The following SV2C variants were observed in gnomAD, a reference collection of about 807,000 sequenced individuals.
SV2C encodes solute carrier family 22 member B3.
Under a neutral mutation model 79.7 loss-of-function variants are expected in SV2C, and 49 were observed. That is an observed-to-expected ratio of 0.61 (90% CI 0.49 to 0.78). SV2C has a LOEUF of 0.78. Ranked by LOEUF, SV2C falls within the 30% of genes least tolerant of loss-of-function variation. The probability of loss-of-function intolerance (pLI) is 0.00; values close to 1 mark genes in which losing one functional copy is unlikely to be tolerated. For synonymous variants in SV2C, 334 were observed against 333.2 expected (o/e 1.00, Z -0.03); for missense variants, 833 against 912.9 (o/e 0.91, Z 1.13).
chr5:76,032,304 T>G, the SV2C span, among the ~76,000 whole-genome samples: 1 of 152,136 alleles, frequency 6.6e-6, no homozygotes, highest in Non-Finnish European at 1.5e-5. Context: ...CAATGTGCAG[T>G]TAGTTACATG....
the SV2C span, among the ~76,000 whole-genome samples, chr5:75,941,906 G>A: frequency 6.6e-6 from 1 of 152,302 alleles, no homozygotes; most frequent in East Asian, 1.9e-4. Context: ...CTGGAGAAAG[G>A]AATGCTGCAC....
At chr5:75,997,080 C>T in the SV2C span, among the ~76,000 whole-genome samples, 8 of 150,510 alleles carry the variant, frequency 5.3e-5, no homozygotes, top group East Asian at 7.7e-4. Flanking sequence ...AAAGGGAATG[C>T]TTCCAGTTTT....
chr5:76,174,990 G>A (rs551422290), intron 2 of SV2C, among the ~76,000 whole-genome samples: 4 of 152,300 alleles, frequency 2.6e-5, no homozygotes, highest in African/African-American at 4.8e-5. Flanking sequence ...GAGCCTGGCG[G>A]TCTAACTGAC....
At chr5:76,141,823 C>CAAAAAAAAAAAAAAAAAAAAAAAAA (rs11313342) in intron 2 of SV2C, among the ~76,000 whole-genome samples, 1 of 72,476 alleles carries the variant, frequency 1.4e-5, no homozygotes, top group Non-Finnish European at 2.6e-5. Context: ...AAGTCCATCT[C>CAAAAAAAAAAAAAAAAAAAAAAAAA]AAAAAAAAAA....
the SV2C span, among the ~76,000 whole-genome samples, chr5:75,996,597 T>C: frequency 5.3e-5 from 8 of 152,232 alleles, no homozygotes; most frequent in African/African-American, 1.7e-4. Flanking sequence ...TTCACGATAT[T>C]GATTCTTCCT....
the SV2C span, among the ~76,000 whole-genome samples, chr5:76,018,687 T>C: frequency 1.3e-5 from 2 of 152,140 alleles, no homozygotes; most frequent in African/African-American, 4.8e-5. Flanking sequence ...ATTTTAATGA[T>C]GTAATTAAGT....
chr5:75,903,036 C>T, the SV2C span, among the ~76,000 whole-genome samples: 1 of 152,104 alleles, frequency 6.6e-6, no homozygotes, highest in Non-Finnish European at 1.5e-5. Context: ...TTTTATTTTT[C>T]AGTTAAGAAA....
the SV2C span, among the ~76,000 whole-genome samples, chr5:75,866,916 G>A: frequency 6.6e-6 from 1 of 152,158 alleles, no homozygotes; most frequent in Non-Finnish European, 1.5e-5. Context: ...TGTAGTGGAG[G>A]AAATGACAGG....
the SV2C span, among the ~76,000 whole-genome samples, chr5:75,900,415 G>C: frequency 1.1e-4 from 16 of 152,340 alleles, no homozygotes; most frequent in Middle Eastern, 3.4e-3. Context: ...GGCTTGTAGA[G>C]TTTCTGCTGA....
At chr5:76,152,800 G>A (rs760642616) in intron 2 of SV2C, among the ~76,000 whole-genome samples, 2 of 152,248 alleles carry the variant, frequency 1.3e-5, no homozygotes, top group Non-Finnish European at 2.9e-5. Flanking sequence ...CCAACACTGG[G>A]CACACTACCG....
chr5:76,248,911 G>T (rs995168423), intron 4 of SV2C, among the ~76,000 whole-genome samples: 2 of 152,138 alleles, frequency 1.3e-5, no homozygotes, highest in Non-Finnish European at 2.9e-5. Flanking sequence ...GAGCCACCAC[G>T]CCTGGCCTCA....
At chr5:75,939,051 G>A in the SV2C span, among the ~76,000 whole-genome samples, 3 of 152,094 alleles carry the variant, frequency 2.0e-5, no homozygotes, top group Non-Finnish European at 1.5e-5. Flanking sequence ...GGAAAGATGG[G>A]AGGGCCTCCA....
intron 9 of SV2C, among the ~76,000 whole-genome samples, chr5:76,298,564 A>G (rs1014211453): frequency 3.0e-4 from 45 of 152,204 alleles, no homozygotes; most frequent in Non-Finnish European, 4.1e-4. Context: ...TAGGAGTGTC[A>G]TCTCTTTTCC....
upstream of SV2C, chr5:76,078,898 A>C (rs1305576647): frequency 1.8e-6 from 1 of 561,562 alleles, no homozygotes; most frequent in Non-Finnish European, 3.6e-6. Flanking sequence ...TCAGAGTTAC[A>C]ATGATGACTT....
chr5:76,169,802 C>T (rs1218263379), intron 2 of SV2C, among the ~76,000 whole-genome samples: 6 of 152,110 alleles, frequency 3.9e-5, no homozygotes, highest in Non-Finnish European at 8.8e-5. Context: ...GCTAGGTAGC[C>T]AGATCATTTG....
chr5:76,027,491 T>C, the SV2C span, among the ~76,000 whole-genome samples: 1 of 55,972 alleles, frequency 1.8e-5, no homozygotes, highest in Admixed American at 2.1e-4. Context: ...TCTTGAAACA[T>C]TTATTTATTT....
chr5:76,106,961 G>T (rs979222274), intron 1 of SV2C, among the ~76,000 whole-genome samples: 2 of 152,096 alleles, frequency 1.3e-5, no homozygotes, highest in African/African-American at 4.8e-5. Context: ...CCAGAATAGT[G>T]CCTGACACAC....
At position 76,314,173 on chromosome 5, in the gene SV2C, T is replaced by C. The variant is rs989451808; in HGVS notation, c.2001-11191T>C. Among the ~76,000 whole-genome samples, 5 of 152,234 alleles carry C rather than the reference T, an allele frequency of 3.3e-5. No individual in the cohort carries two copies. In the South Asian group the frequency reaches 1.0e-3, roughly 31 times the overall value. On this transcript the variant is annotated intron_variant, in intron 12 of 12. Coordinates refer to ENST00000502798, the MANE Select transcript of SV2C (RefSeq NM_014979.4). Reference sequence around the variant, plus strand: ...AACTCTAGGTGAATGAATGAATGAATGAATGAAATATGCATTTGAGAATTA... The same window carrying C: ...AACTCTAGGTGAATGAATGAATGAACGAATGAAATATGCATTTGAGAATTA...
In SV2C at chr5:76,301,369, G is replaced by T. The variant is rs191653797; in HGVS notation, c.1841-17G>T. On this transcript the variant is annotated splice_polypyrimidine_tract_variant and intron_variant, in intron 11 of 12. Transcript: ENST00000502798. Reference sequence around the variant, plus strand: ...ATGACAGGAAACATTCCAGCCTTTTGTCTGCATTGTTGGCAGGTGGCTCTA... The same window carrying T: ...ATGACAGGAAACATTCCAGCCTTTTTTCTGCATTGTTGGCAGGTGGCTCTA... 6.2e-7 allele frequency: 1 copy of T among 1,613,220 alleles called. No individual in the cohort carries two copies. The highest frequency in any genetic ancestry group is 8.5e-7 in the Non-Finnish European group (1 of 1,179,676).
Sources: allele counts gnomAD v4.1 joint callset (sites outside exome capture counted in the v4.1 genomes callset), GRCh38; gene constraint gnomAD v4.1.1; transcripts MANE v1.5; gene names NCBI Gene and HGNC (gene_info 2026-07-23, HGNC 2026-07-21).